Variants in CCDC88C observed in about 807,000 individuals in gnomAD.
The protein encoded by CCDC88C is coiled-coil and HOOK domain protein 88C.
In CCDC88C, 131 loss-of-function variants were observed where a neutral mutation model predicts 198.8. The observed-to-expected ratio is 0.66, with a 90% confidence interval of 0.57 to 0.76. The LOEUF (loss-of-function observed/expected upper bound fraction) is 0.76. Among genes scored for constraint, CCDC88C ranks in the 30% least tolerant of loss-of-function variants. The pLI, the probability that CCDC88C is intolerant of heterozygous loss-of-function variation, is 0.00. For synonymous variants in CCDC88C, 1,166 were observed against 1,114.7 expected, an observed-to-expected ratio of 1.05 and a Z score of -0.92; for missense variants, 2,553 against 2,631.6, an observed-to-expected ratio of 0.97 and a Z score of 0.65.
At chr14:91,314,775 G>T (rs1892020319) in intron 14 of CCDC88C, among the ~76,000 whole-genome samples, 1 of 152,214 alleles carries the variant, frequency 6.6e-6, no homozygotes, top group African/African-American at 2.4e-5. Flanking sequence ...CTGTCCGTCT[G>T]TTTACCATGC....
chr14:91,273,928 GGA>G lies in CCDC88C; in HGVS notation c.5059-277_5059-276del, dbSNP rs1191108349. Among the ~76,000 whole-genome samples the G allele has an allele frequency of 1.3e-5, 2 of 152,102 alleles. No homozygotes were observed. Among genetic ancestry groups the G allele is most frequent in the Non-Finnish European group, 2.9e-5 (2 of 68,018 alleles). On this transcript the variant is annotated intron_variant, in intron 29 of 29. Transcript: ENST00000389857. This position sits in a 1 kb window ranked among gnomAD's most constrained non-coding sequence, Gnocchi z 5.6. ...CAGATAAGGAAACAGACCCAGAGAG[GGA>G]AATGACTTCCTACAAAGTGAGTAAG... is the stretch of plus-strand genomic sequence containing the variant.
chr14:91,323,124 T>C (rs1216047632), intron 12 of CCDC88C, among the ~76,000 whole-genome samples: 5 of 152,172 alleles, frequency 3.3e-5, no homozygotes, highest in Admixed American at 2.0e-4. Flanking sequence ...CAGGCTGGTC[T>C]TGAACTCCTG....
In CCDC88C at chr14:91,272,630, C is replaced by T; in HGVS notation, c.6082G>A (p.Val2028Met). 1 of 1,607,096 alleles carries T rather than the reference C, an allele frequency of 6.2e-7. No homozygotes were observed. The highest frequency in any genetic ancestry group is 8.5e-7 in the Non-Finnish European group (1 of 1,178,034). Residue 2028 changes from valine (V) to methionine (M), a missense_variant, in exon 30 of 30, where the codon GTG becomes ATG. Val to Met is a conservative substitution (Grantham distance 21). Coordinates refer to ENST00000389857, the MANE Select transcript of CCDC88C (RefSeq NM_001080414.4). Reference sequence around the variant, plus strand: ...CGAGCTCAACCACGAGACAGTCACACACAGCCGTACTCATACCACACGGTC... The same window carrying T: ...CGAGCTCAACCACGAGACAGTCACATACAGCCGTACTCATACCACACGGTC... ...PQTVWYEYGC[V>M] is the part of the protein sequence containing the mutation.
At chr14:91,294,442 G>T in intron 22 of CCDC88C, 124 bp from the exon 23 acceptor site, 1 of 1,159,912 alleles carries the variant, frequency 8.6e-7, no homozygotes, top group Non-Finnish European at 1.2e-6. Flanking sequence ...ATCTACGCCA[G>T]TGGAAACTTG....
intron 6 of CCDC88C, chr14:91,342,149 TG>T: frequency 2.5e-6 from 1 of 401,696 alleles, no homozygotes; most frequent in Non-Finnish European, 4.5e-6. Context: ...TTGATTGAGG[TG>T]TTTTTTTTTT....
intron 6 of CCDC88C, among the ~76,000 whole-genome samples, chr14:91,340,513 CT>C: frequency 1.3e-5 from 2 of 152,294 alleles, no homozygotes; most frequent in African/African-American, 4.8e-5. Flanking sequence ...AAGGGTGCAT[CT>C]CATTCCCACG....
In CCDC88C at chr14:91,288,446, G is replaced by GCA. The variant is rs1335787668; in HGVS notation, c.4441+657_4441+658dup. Among the ~76,000 whole-genome samples the GCA allele has an allele frequency of 6.6e-6, 1 of 152,198 alleles. No homozygotes were observed. The highest frequency in any genetic ancestry group is 1.5e-5 in the Non-Finnish European group (1 of 68,042). ...TATATACATGGAGAACGTGTTGAGT[G>GCA]CACCTGGGATCTCCCTGCACAAAGC... On this transcript the variant is annotated intron_variant, in intron 25 of 29. Transcript: ENST00000389857. This position sits in a 1 kb window ranked among gnomAD's most constrained non-coding sequence, Gnocchi z 4.2.
intron 25 of CCDC88C, among the ~76,000 whole-genome samples, chr14:91,286,916 G>A (rs1890432357): frequency 6.6e-6 from 1 of 152,222 alleles, no homozygotes; most frequent in African/African-American, 2.4e-5. Context: ...TGCCTTGATA[G>A]GGTCGTTAGG....
At chr14:91,293,421 ACGGCC>A (rs1567055255) in intron 23 of CCDC88C, among the ~76,000 whole-genome samples, 15 of 129,152 alleles carry the variant, frequency 1.2e-4, no homozygotes, top group South Asian at 7.6e-4. Context: ...CTCACCTGCC[ACGGCC>A]CACCTTCCCG....
intron 20 of CCDC88C, among the ~76,000 whole-genome samples, chr14:91,302,756 G>C (rs576607343): frequency 6.6e-6 from 1 of 152,274 alleles, no homozygotes; most frequent in South Asian, 2.1e-4. Context: ...TATATGTTCG[G>C]AAGTTTCCAT....
chr14:91,297,237 T>G (rs1891045110), intron 22 of CCDC88C, 68 bp downstream of exon 22: 1 of 1,505,974 alleles, frequency 6.6e-7, no homozygotes, highest in Non-Finnish European at 9.1e-7. Flanking sequence ...ACAGCTTGGC[T>G]GAGCCCTGGG....
intron 6 of CCDC88C, 92 bp from the exon 7 acceptor site, chr14:91,340,116 TTA>T: frequency 6.6e-7 from 1 of 1,508,768 alleles, no homozygotes; most frequent in Non-Finnish European, 9.0e-7. Context: ...CCAATCAACC[TTA>T]CTAATCCCTC....
intron 6 of CCDC88C, chr14:91,342,082 A>G (rs893314779): frequency 3.6e-6 from 1 of 275,208 alleles, no homozygotes; most frequent in Admixed American, 4.8e-5. Flanking sequence ...ACCAGTTGAC[A>G]GCTCTTAAAA....
intron 10 of CCDC88C, among the ~76,000 whole-genome samples, chr14:91,333,830 G>A (rs1260744578): frequency 6.6e-6 from 1 of 152,142 alleles, no homozygotes; most frequent in Non-Finnish European, 1.5e-5. Flanking sequence ...GACACAGACC[G>A]CATCTTGAGA....
At chr14:91,414,941 A>G (rs1886971058) in intron 2 of CCDC88C, among the ~76,000 whole-genome samples, 1 of 152,220 alleles carries the variant, frequency 6.6e-6, no homozygotes, top group Admixed American at 6.5e-5. Flanking sequence ...TCTCAAAGGA[A>G]CGGTCCAACA....
intron 4 of CCDC88C, among the ~76,000 whole-genome samples, chr14:91,348,759 T>C (rs1893658736): frequency 6.6e-6 from 1 of 152,180 alleles, no homozygotes; most frequent in Admixed American, 6.5e-5. Flanking sequence ...AAAATATTCA[T>C]GAAAAAAATA....
rs1365488645 is a variant in CCDC88C, at chr14:91,381,830, C to CA, written c.271-22120dup. On this transcript the variant is annotated intron_variant, in intron 3 of 29. Transcript: ENST00000389857. The surrounding 1 kb of genome is among the most constrained non-coding windows in gnomAD (Gnocchi z 4.2). Reference sequence around the variant, plus strand: ...CGGAGCAAGACTCTGTCTCGAAAAACAAAAACAACAAAAAACCGGCCCTTT... The same window carrying CA: ...CGGAGCAAGACTCTGTCTCGAAAAACAAAAAACAACAAAAAACCGGCCCTTT... Among the ~76,000 whole-genome samples the CA allele has an allele frequency of 1.4e-5, 1 of 72,122 alleles. No homozygotes were observed. Among genetic ancestry groups the CA allele is most frequent in the Admixed American group, 1.2e-4 (1 of 8,190 alleles). 47.3% of individuals were successfully genotyped at this position (72,122 alleles called of 152,430 possible). A position where few individuals can be genotyped will look rare whatever the true frequency, so the allele number is the denominator to read the frequency against.
intron 12 of CCDC88C, among the ~76,000 whole-genome samples, chr14:91,324,021 CA>C (rs1269432835): frequency 2.6e-5 from 4 of 152,242 alleles, no homozygotes; most frequent in African/African-American, 9.6e-5. Flanking sequence ...CTAAACAAGC[CA>C]AAAGCCCCAT....
chr14:91,399,626 T>G (rs945812829), intron 3 of CCDC88C, among the ~76,000 whole-genome samples: 4 of 151,756 alleles, frequency 2.6e-5, no homozygotes, highest in Admixed American at 6.6e-5. Context: ...TCATCTGAGG[T>G]CAGGAGTTCA....
Sources: gnomAD v4.1 joint callset for allele counts (sites outside exome capture counted in the v4.1 genomes callset) on GRCh38, gnomAD v4.1.1 for gene constraint, Gnocchi (gnomAD v3.1) non-coding constraint, MANE v1.5 for transcripts, NCBI Gene and HGNC (gene_info 2026-07-23, HGNC 2026-07-21) for gene names.